The following PGM5 variants were observed in gnomAD, a reference collection of about 807,000 sequenced individuals.
PGM5 encodes phosphoglucomutase-like protein 5.
In PGM5, 23 loss-of-function variants were observed where a neutral mutation model predicts 59.2. The ratio of observed to expected loss-of-function variants is 0.39; its 90% CI spans 0.28 to 0.55. The LOEUF (loss-of-function observed/expected upper bound fraction) is 0.55. Ranked by LOEUF, PGM5 falls within the 20% of genes least tolerant of loss-of-function variation. The pLI is 0.66. For synonymous variants in PGM5, 214 were observed against 286.0 expected, an observed-to-expected ratio of 0.75 and a Z score of 2.54; for missense variants, 574 against 748.3, an observed-to-expected ratio of 0.77 and a Z score of 2.72.
intron 10 of PGM5, among the ~76,000 whole-genome samples, chr9:68,501,958 A>G (rs1824580684): frequency 6.6e-6 from 1 of 152,252 alleles, no homozygotes; most frequent in Admixed American, 6.5e-5. Context: ...TATAATCTAT[A>G]TGCATTTAGA....
chr9:68,509,613 G>A (rs1824713181), intron 10 of PGM5, among the ~76,000 whole-genome samples: 1 of 152,210 alleles, frequency 6.6e-6, no homozygotes, highest in Non-Finnish European at 1.5e-5. Flanking sequence ...GCCACGCAGG[G>A]AAGCGCCAGC....
chr9:68,401,672 T>G (rs4744967), intron 6 of PGM5, among the ~76,000 whole-genome samples: 6,925 of 151,844 alleles, frequency 0.046, 507 homozygotes, highest in East Asian at 0.39. Flanking sequence ...ACGGGAACAT[T>G]AACTTCATGG....
At chr9:68,424,931 C>A (rs1823208477) in intron 6 of PGM5, among the ~76,000 whole-genome samples, 1 of 152,166 alleles carries the variant, frequency 6.6e-6, no homozygotes, top group African/African-American at 2.4e-5. Flanking sequence ...CAAAATTGAC[C>A]TCCTTCTTCC....
intron 2 of PGM5, among the ~76,000 whole-genome samples, chr9:68,379,101 T>A (rs1320298175): frequency 6.6e-6 from 1 of 152,200 alleles, no homozygotes; most frequent in Non-Finnish European, 1.5e-5. Context: ...ATGACTGTGC[T>A]AACATACCTA....
chr9:68,524,062 G>A (rs757813160), intron 10 of PGM5, among the ~76,000 whole-genome samples: 3 of 151,908 alleles, frequency 2.0e-5, no homozygotes, highest in Non-Finnish European at 2.9e-5. Context: ...AGAGAAGATG[G>A]GAGAGAAAGT....
chr9:68,519,682 G>A (rs1235805576), intron 10 of PGM5, among the ~76,000 whole-genome samples: 1 of 150,934 alleles, frequency 6.6e-6, no homozygotes, highest in East Asian at 1.9e-4. Context: ...AAGAAAAACA[G>A]CTAGGTCAAG....
chr9:68,406,976 A>C (rs879998135), intron 6 of PGM5, among the ~76,000 whole-genome samples: 1 of 151,610 alleles, frequency 6.6e-6, no homozygotes, highest in Non-Finnish European at 1.5e-5. Context: ...TTCAGAGTCC[A>C]TCAGAGCTTC....
intron 6 of PGM5, among the ~76,000 whole-genome samples, chr9:68,440,012 C>G (rs1823501397): frequency 6.6e-6 from 1 of 152,038 alleles, no homozygotes; most frequent in South Asian, 2.1e-4. Flanking sequence ...GGTCAGTTTA[C>G]CAAAAAGATC....
At chr9:68,450,865 T>A (rs1823686341) in intron 6 of PGM5, among the ~76,000 whole-genome samples, 1 of 152,202 alleles carries the variant, frequency 6.6e-6, no homozygotes, top group Non-Finnish European at 1.5e-5. Flanking sequence ...CATTGGAAAT[T>A]GACAGAGAAA....
chr9:68,491,626 C>T (rs1554687875), intron 9 of PGM5, among the ~76,000 whole-genome samples: 1 of 152,202 alleles, frequency 6.6e-6, no homozygotes, highest in Admixed American at 6.5e-5. Flanking sequence ...CTACTAGCCA[C>T]TTTTCCTGTG....
intron 6 of PGM5, chr9:68,400,870 C>T (rs1554680545): frequency 6.6e-6 from 1 of 152,612 alleles, no homozygotes; most frequent in Non-Finnish European, 1.5e-5. Flanking sequence ...GAACTCCCCA[C>T]AGCCTGAACT....
intron 6 of PGM5, among the ~76,000 whole-genome samples, chr9:68,448,887 A>AC (rs1823654246): frequency 6.6e-6 from 1 of 152,156 alleles, no homozygotes; most frequent in South Asian, 2.1e-4. Context: ...TCTCTGGGGA[A>AC]CCCCAGGAGG....
chr9:68,527,844 C>T (rs1299554884), intron 10 of PGM5, among the ~76,000 whole-genome samples: 1 of 152,178 alleles, frequency 6.6e-6, no homozygotes, highest in Non-Finnish European at 1.5e-5. Flanking sequence ...GTGATGTCAC[C>T]TTTCAGCCCA....
Position 68,438,060 on chromosome 9 carries a change from G to T in PGM5, c.1044-27033G>T, listed in dbSNP as rs541736187. 3.3e-5 allele frequency among the ~76,000 whole-genome samples: 5 copies of T among 152,218 alleles called. No individual in the cohort carries two copies. In the East Asian group the frequency reaches 9.7e-4, roughly 29 times the overall value. On this transcript the variant is annotated intron_variant, in intron 6 of 10. Transcript: ENST00000396396. ...CCCAGCACTGTGGGAGGCTGAGGTG[G>T]GTGGATCGCCTGAGCTCGGGAGTTC...
intron 6 of PGM5, among the ~76,000 whole-genome samples, chr9:68,394,805 A>G (rs1822456938): frequency 2.0e-5 from 3 of 151,986 alleles, no homozygotes; most frequent in South Asian, 4.2e-4. Flanking sequence ...CATTTTTTGT[A>G]GAAATGAGAT....
At chr9:68,357,708 C>G (rs1423710116) in intron 1 of PGM5, 3 of 400,156 alleles carry the variant, frequency 7.5e-6, no homozygotes, top group Non-Finnish European at 1.4e-5. Flanking sequence ...ATTTTTCTTT[C>G]GGACATTCTC....
At chr9:68,373,646 C>A (rs4014850) in intron 1 of PGM5, among the ~76,000 whole-genome samples, 46,745 of 150,398 alleles carry the variant, frequency 0.31, 7,463 homozygotes, top group Admixed American at 0.37. Flanking sequence ...ATTAAACTGT[C>A]GTTTATGTTT....
At chr9:68,490,780 G>C (rs1824378024) in intron 9 of PGM5, among the ~76,000 whole-genome samples, 1 of 152,194 alleles carries the variant, frequency 6.6e-6, no homozygotes, top group South Asian at 2.1e-4. Flanking sequence ...TCTGGAAGTA[G>C]AGCCTCAGAA....
At chr9:68,513,622 T>C (rs1285632812) in intron 10 of PGM5, among the ~76,000 whole-genome samples, 1 of 152,188 alleles carries the variant, frequency 6.6e-6, no homozygotes, top group African/African-American at 2.4e-5. Context: ...AAGGTTCTAG[T>C]GCATTTCAGT....
Sources: allele counts gnomAD v4.1 joint callset (sites outside exome capture counted in the v4.1 genomes callset), GRCh38; gene constraint gnomAD v4.1.1; transcripts MANE v1.5; gene names NCBI Gene and HGNC (gene_info 2026-07-23, HGNC 2026-07-21).